HDAC4: variants seen among roughly 807,000 people sequenced by gnomAD.
HDAC4 encodes the protein histone deacetylase A.
In HDAC4, 16 loss-of-function variants were observed where a neutral mutation model predicts 135.1. The ratio of observed to expected loss-of-function variants is 0.12; its 90% confidence interval spans 0.08 to 0.18. The LOEUF is 0.18. Ranked by LOEUF, HDAC4 falls within the 10% of genes least tolerant of loss-of-function variation. The pLI, the probability that HDAC4 is intolerant of heterozygous loss-of-function variation, is 1.00. For missense variants in HDAC4, 1,143 were observed against 1,511.8 expected, an observed-to-expected ratio of 0.76 and a Z score of 4.05; for synonymous variants, 685 against 653.4, an observed-to-expected ratio of 1.05 and a Z score of -0.74.
At chr2:239,378,550 T>A (rs1284338478) in intron 1 of HDAC4, among the ~76,000 whole-genome samples, 2 of 151,824 alleles carry the variant, frequency 1.3e-5, no homozygotes, top group African/African-American at 4.8e-5. Flanking sequence ...CCTCCCACTC[T>A]CCTCTGCAGG....
intron 22 of HDAC4, among the ~76,000 whole-genome samples, chr2:239,079,607 T>C (rs1412309962): frequency 1.3e-5 from 2 of 152,228 alleles, no homozygotes; most frequent in Non-Finnish European, 2.9e-5. Context: ...AGAAAGCATG[T>C]GGTAGAGTCC....
intron 3 of HDAC4, among the ~76,000 whole-genome samples, chr2:239,226,166 AG>A (rs1440147240): frequency 6.6e-6 from 1 of 152,212 alleles, no homozygotes; most frequent in Non-Finnish European, 1.5e-5. Context: ...TGGTAATAAA[AG>A]AAAAAAGATA....
intron 2 of HDAC4, among the ~76,000 whole-genome samples, chr2:239,346,621 AACAC>A (rs199791016): frequency 1.5e-5 from 2 of 135,804 alleles, no homozygotes; most frequent in Non-Finnish European, 3.4e-5. Context: ...TACACACCTT[AACAC>A]ACACACACTC....
intron 2 of HDAC4, among the ~76,000 whole-genome samples, chr2:239,346,017 C>T (rs1692622586): frequency 6.8e-6 from 1 of 146,848 alleles, no homozygotes; most frequent in African/African-American, 2.6e-5. Flanking sequence ...CTCTCACACA[C>T]ACATCCTAAC....
intron 26 of HDAC4, 108 bp from the exon 27 acceptor site, chr2:239,053,244 AGCCCTGGCCTG>A (rs2031163329): frequency 1.4e-6 from 2 of 1,458,538 alleles, no homozygotes; most frequent in African/African-American, 1.4e-5. Context: ...CCGCCAGCCT[AGCCCTGGCCTG>A]GCAGCCCCGG....
At chr2:239,233,358 G>A (rs1484731426) in intron 3 of HDAC4, among the ~76,000 whole-genome samples, 5 of 151,702 alleles carry the variant, frequency 3.3e-5, no homozygotes, top group East Asian at 1.9e-4. Context: ...ACTTTTTCAC[G>A]GTGACACTCA....
chr2:239,320,153 C>T (rs1054487552), intron 2 of HDAC4, among the ~76,000 whole-genome samples: 27 of 152,044 alleles, frequency 1.8e-4, no homozygotes, highest in African/African-American at 6.3e-4. Flanking sequence ...GAGGCCGAAG[C>T]AGGCGGATCA....
chr2:239,096,566 CTA>C (rs1392452363), intron 16 of HDAC4, among the ~76,000 whole-genome samples: 8,495 of 70,366 alleles, frequency 0.12, 1,204 homozygotes, highest in Non-Finnish European at 0.16. Flanking sequence ...CCACAGACGC[CTA>C]CACCCCCCAC....
At chr2:239,204,714 G>T (rs1249143307) in intron 3 of HDAC4, among the ~76,000 whole-genome samples, 1 of 152,174 alleles carries the variant, frequency 6.6e-6, no homozygotes. Context: ...CCCTTCAACA[G>T]CCAGACCCTG....
Position 239,178,118 on chromosome 2 carries a change from C to T in HDAC4, c.340-1555G>A, listed in dbSNP as rs549321809. Among the ~76,000 whole-genome samples the T allele has an allele frequency of 6.6e-5, 10 of 152,086 alleles. No homozygotes were observed. The South Asian group carries it at 1.7e-3, about 25-fold the overall frequency. On this transcript the variant is annotated intron_variant, in intron 4 of 26. Transcript: ENST00000543185. Reference sequence around the variant, plus strand: ...TTCCACACAAACCCCTGGGCCAGCCCGGGGGAAGTGCCAGGCCTCCACAGG... The same window carrying T: ...TTCCACACAAACCCCTGGGCCAGCCTGGGGGAAGTGCCAGGCCTCCACAGG...
chr2:239,143,269 A>AC (rs1439076781), intron 8 of HDAC4, among the ~76,000 whole-genome samples: 7 of 150,780 alleles, frequency 4.6e-5, no homozygotes, highest in Non-Finnish European at 1.0e-4. Flanking sequence ...TTAAAAAAAA[A>AC]ACAACAAAAA....
At chr2:239,190,934 G>T (rs932582651) in intron 3 of HDAC4, 1 of 466,412 alleles carries the variant, frequency 2.1e-6, no homozygotes, top group Admixed American at 2.4e-5. Flanking sequence ...CCCCTTTTAC[G>T]GCAGGTCCCT....
At chr2:239,075,746 G>A (rs567317403) in intron 22 of HDAC4, among the ~76,000 whole-genome samples, 2 of 152,216 alleles carry the variant, frequency 1.3e-5, no homozygotes, top group Admixed American at 6.5e-5. Flanking sequence ...CCCTTCACTC[G>A]GTCATCAGCC....
chr2:239,375,878 G>A (rs1694969343), intron 1 of HDAC4, among the ~76,000 whole-genome samples: 1 of 152,196 alleles, frequency 6.6e-6, no homozygotes, highest in African/African-American at 2.4e-5. Flanking sequence ...CCTTATGGGG[G>A]AGGGTGCTGG....
intron 6 of HDAC4, among the ~76,000 whole-genome samples, chr2:239,158,277 G>C (rs1425094072): frequency 1.3e-5 from 2 of 152,166 alleles, no homozygotes; most frequent in African/African-American, 4.8e-5. Flanking sequence ...TCAACACCAG[G>C]TGACAGTCTG....
At chr2:239,376,821 G>A (rs553386256) in intron 1 of HDAC4, among the ~76,000 whole-genome samples, 1 of 152,150 alleles carries the variant, frequency 6.6e-6, no homozygotes, top group East Asian at 1.9e-4. Flanking sequence ...GGTCTCGGTG[G>A]AACCAGACTC....
chr2:239,098,985 C>T (rs778840604), intron 16 of HDAC4, among the ~76,000 whole-genome samples: 4 of 152,220 alleles, frequency 2.6e-5, no homozygotes, highest in Non-Finnish European at 5.9e-5. Context: ...ACAAAAGAAA[C>T]TGACTAGAAT....
intron 1 of HDAC4, among the ~76,000 whole-genome samples, chr2:239,389,622 C>T (rs556246745): frequency 2.0e-5 from 3 of 152,302 alleles, no homozygotes; most frequent in Non-Finnish European, 4.4e-5. Context: ...GAGGCGAGGT[C>T]CGCAGAGCGT....
At chr2:239,054,708 C>T (rs766479636) in intron 25 of HDAC4, 41 bp downstream of exon 25, 1 of 1,313,182 alleles carries the variant, frequency 7.6e-7, no homozygotes, top group South Asian at 1.2e-5. Flanking sequence ...GTCCCACCCC[C>T]AGGGGCGTGT....
Sources: allele counts gnomAD v4.1 joint callset (sites outside exome capture counted in the v4.1 genomes callset), GRCh38; gene constraint gnomAD v4.1.1; transcripts MANE v1.5; gene names NCBI Gene and HGNC (gene_info 2026-07-23, HGNC 2026-07-21).